Variants in HERC2 observed in about 807,000 individuals in gnomAD.
The protein encoded by HERC2 is E3 ubiquitin-protein ligase HERC2.
In HERC2, 102 loss-of-function variants were observed where a neutral mutation model predicts 537.7. The ratio of observed to expected loss-of-function variants is 0.19; its 90% confidence interval spans 0.16 to 0.22. The LOEUF is 0.22. Ranked by LOEUF, HERC2 falls within the 10% of genes least tolerant of loss-of-function variation. The pLI is 1.00. For synonymous variants in HERC2, 2,224 were observed against 2,466.2 expected (o/e 0.90, Z 2.91); for missense variants, 4,236 against 6,198.2 (o/e 0.68, Z 10.63).
chr15:28,203,587 A>G (rs1436765640), intron 45 of HERC2: 2 of 152,084 alleles, frequency 1.3e-5, no homozygotes. Context: ...AGCTGACGCA[A>G]TCAGCAATAA....
chr15:28,317,181 C>A (rs1262069783), intron 2 of HERC2, among the ~76,000 whole-genome samples: 1 of 152,116 alleles, frequency 6.6e-6, no homozygotes, highest in East Asian at 1.9e-4. Context: ...ACCTCCACCT[C>A]CTGGGTTCAA....
intron 56 of HERC2, among the ~76,000 whole-genome samples, chr15:28,184,560 A>G (rs1481720627): frequency 1.3e-5 from 2 of 152,136 alleles, no homozygotes; most frequent in Non-Finnish European, 1.5e-5. Context: ...CATATACAAT[A>G]TATGTATTAA....
At chr15:28,196,155 T>A in intron 52 of HERC2, 60 bp downstream of exon 52, 1 of 1,357,420 alleles carries the variant, frequency 7.4e-7, no homozygotes, top group Non-Finnish European at 1.0e-6. Flanking sequence ...TACACTGTGG[T>A]CCACAATAAG....
intron 92 of HERC2, 26 bp from the exon 93 acceptor site, chr15:28,112,061 T>G: frequency 6.2e-7 from 1 of 1,607,828 alleles, no homozygotes; most frequent in Admixed American, 1.7e-5. Context: ...ATGAAGTGAT[T>G]AGAAATTGAG....
intron 2 of HERC2, among the ~76,000 whole-genome samples, chr15:28,314,402 A>G (rs1001465833): frequency 7.2e-5 from 11 of 152,244 alleles, no homozygotes; most frequent in African/African-American, 2.7e-4. Flanking sequence ...AGATCAATGA[A>G]GCAACGGTAT....
At chr15:28,169,382 T>TACAACATTCTTGGAGACATCTGATCA in intron 66 of HERC2, 102 bp downstream of exon 66, 1 of 818,578 alleles carries the variant, frequency 1.2e-6, no homozygotes, top group Non-Finnish European at 1.9e-6. Context: ...AAGACAATAA[T>TACAACATTCTTGGAGACATCTGATCA]ACAACATTCT....
chr15:28,196,863 G>C (rs1278034564), intron 50 of HERC2, among the ~76,000 whole-genome samples: 1 of 152,140 alleles, frequency 6.6e-6, no homozygotes, highest in African/African-American at 2.4e-5. Context: ...CCTTACTTTT[G>C]CATTAGGTTT....
chr15:28,255,010 A>T (rs765632028), intron 19 of HERC2, among the ~76,000 whole-genome samples: 14 of 152,258 alleles, frequency 9.2e-5, no homozygotes, highest in African/African-American at 3.1e-4. Context: ...AAGTACTTGT[A>T]CACAGCACAA....
intron 31 of HERC2, 148 bp from the exon 32 acceptor site, chr15:28,229,995 ATATACT>A (rs1396315070): frequency 1.4e-5 from 10 of 690,634 alleles, no homozygotes; most frequent in East Asian, 5.3e-5. Context: ...TATGCTATAA[ATATACT>A]TATAAGTGAT....
rs149655254 is a variant in HERC2 at position 28,125,045 on chromosome 15, C to T, written c.12951G>A (p.Ser4317=). 200 of 1,606,280 alleles carry T rather than the reference C, an allele frequency of 1.2e-4. No homozygotes were observed. In the African/African-American group the frequency reaches 2.2e-3, roughly 18 times the overall value. Residue 4317 remains serine (S), a synonymous_variant, in exon 84 of 93, where the codon TCG becomes TCA. Transcript: ENST00000261609. The part of the protein sequence containing the change: ...ACGSAHTLAW[S]TSKPASAGKL... ...TGCCAGCACTGGCGGGCTTGCTGGTCGACCAGGCGAGGGTATGTGCTGAGC... is the reference window on the plus strand; with the variant it reads ...TGCCAGCACTGGCGGGCTTGCTGGTTGACCAGGCGAGGGTATGTGCTGAGC...
chr15:28,277,500 G>A (rs998392714), intron 5 of HERC2, among the ~76,000 whole-genome samples: 3 of 149,990 alleles, frequency 2.0e-5, no homozygotes, highest in Admixed American at 6.6e-5. Flanking sequence ...AAAATTTTAG[G>A]AATTCTTCCA....
In HERC2 at chr15:28,260,953, C is replaced by A. The variant is rs772968149; in HGVS notation, c.2140G>T (p.Val714Leu). The A allele has an allele frequency of 1.2e-6, 2 of 1,613,846 alleles. No individual in the cohort carries two copies. The highest frequency in any genetic ancestry group is 1.7e-6 in the Non-Finnish European group (2 of 1,179,836). The change falls in exon 16 of 93, where the codon GTG becomes TTG. Residue 714 changes from valine to leucine, a missense_variant. By Grantham distance (32) the Val-to-Leu change is conservative. Around this residue, in one of 27 missense-constraint regions of HERC2, gnomAD observed 754 missense variants for 1,085.0 expected, o/e 0.69. Transcript: ENST00000261609. Reference protein sequence around the residue: ...EGLQGKKVIDVAAGSTHCLAL... With the variant: ...EGLQGKKVIDLAAGSTHCLAL... ...AGGCAGTGGGTGGAGCCTGCAGCCA[C>A]ATCAATCACCTTCTTCCCTACAAGG...
intron 70 of HERC2, among the ~76,000 whole-genome samples, chr15:28,149,202 T>C (rs1055271109): frequency 1.4e-5 from 2 of 146,712 alleles, no homozygotes; most frequent in Non-Finnish European, 3.0e-5. Flanking sequence ...TCTAGAAAAA[T>C]TACCGAAAAA....
intron 45 of HERC2, among the ~76,000 whole-genome samples, chr15:28,204,663 T>A (rs1296332717): frequency 2.0e-5 from 3 of 148,808 alleles, no homozygotes; most frequent in African/African-American, 7.4e-5. Flanking sequence ...AGAAAGGAAC[T>A]GTCAGAAGAG....
chr15:28,111,536 G>T lies in HERC2; in HGVS notation c.*227C>A. ...AGTCCTACATGTAATGCAGCATTAC[G>T]GGTGAGAAGACCCTTGGAAGTCGAG... is the stretch of plus-strand genomic sequence containing the variant. On this transcript the variant is annotated 3_prime_UTR_variant, in exon 93 of 93. Coordinates refer to ENST00000261609, the MANE Select transcript of HERC2 (RefSeq NM_004667.6). 1.7e-6 allele frequency: 1 copy of T among 573,544 alleles called. No individual in the cohort carries two copies. Among genetic ancestry groups the T allele is most frequent in the Non-Finnish European group, 3.1e-6 (1 of 323,326 alleles). The allele number at this position is 573,544 out of a possible 1,614,324, so 35.5% of individuals were successfully genotyped here.
At position 28,215,369 on chromosome 15, in the gene HERC2, A is replaced by T. The variant is rs142872459; in HGVS notation, c.6210+252T>A. Among the ~76,000 whole-genome samples the T allele has an allele frequency of 2.0e-3, 299 of 152,354 alleles. 2 individuals carry two copies. The highest frequency in any genetic ancestry group is 5.8e-3 in the Admixed American group (89 of 15,304). ...TTAGTTTAATTCTTAAGACAATTACACTACAAATTCTGTGAAGCAGATGAG... is the reference window on the plus strand; with the variant it reads ...TTAGTTTAATTCTTAAGACAATTACTCTACAAATTCTGTGAAGCAGATGAG... On this transcript the variant is annotated intron_variant, in intron 39 of 92. Transcript: ENST00000261609.
rs147576051 is a variant in HERC2 at position 28,213,783 on chromosome 15, T to A, written c.6745A>T (p.Met2249Leu). 2 of 1,613,902 alleles carry A rather than the reference T, an allele frequency of 1.2e-6. No individual in the cohort carries two copies. Residue 2249 changes from methionine to leucine, a missense_variant, in exon 42 of 93, where the codon ATG becomes TTG. Met to Leu is a conservative substitution (Grantham distance 15, BLOSUM62 2). This residue lies in a region of HERC2 where 67 missense variants were observed against 140.1 expected (regional missense o/e 0.48). Transcript: ENST00000261609. Reference protein sequence around the residue: ...KGKITVQFSDMRTCRVCPLNQ... With the variant: ...KGKITVQFSDLRTCRVCPLNQ... ...AATGGGCAAACGCGACACGTCCGCA[T>A]GTCAGAGAACTGCACGGTGATTTTG...
intron 2 of HERC2, among the ~76,000 whole-genome samples, chr15:28,304,179 A>C (rs1484480827): frequency 1.3e-5 from 2 of 150,790 alleles, no homozygotes; most frequent in Non-Finnish European, 3.0e-5. Context: ...AAAAAAAAAA[A>C]AAAAAAAAAA....
rs748053596 is a variant in HERC2, at chr15:28,224,166, C to CACACAGAGAG, written c.5465-1952_5465-1951insCTCTCTGTGT. ...ACACACACCCACACACACACACACA[C>CACACAGAGAG]AGAGAGAGAGAGAAACAGACAGACA... On this transcript the variant is annotated intron_variant, in intron 35 of 92. Coordinates refer to ENST00000261609, the MANE Select transcript of HERC2 (RefSeq NM_004667.6). Among the ~76,000 whole-genome samples the CACACAGAGAG allele has an allele frequency of 4.5e-4, 66 of 147,752 alleles. 2 individuals are homozygous for CACACAGAGAG. The highest frequency in any genetic ancestry group is 1.6e-3 in the African/African-American group (62 of 38,838).
Sources: allele counts gnomAD v4.1 joint callset (sites outside exome capture counted in the v4.1 genomes callset), GRCh38; gene constraint gnomAD v4.1.1; regional missense constraint gnomAD v4.1.1; transcripts MANE v1.5; gene names NCBI Gene and HGNC (gene_info 2026-07-23, HGNC 2026-07-21).